Variants in CDHR1 observed in about 807,000 individuals in gnomAD.
CDHR1 encodes the protein cadherin-related family member 1.
CDHR1 carries 61 observed loss-of-function variants against 72.1 expected under a neutral mutation model. The ratio of observed to expected loss-of-function variants is 0.85; its 90% confidence interval spans 0.69 to 1.05. The LOEUF (loss-of-function observed/expected upper bound fraction) is 1.05. Ranked by LOEUF, CDHR1 falls within the 50% of genes least tolerant of loss-of-function variation. The pLI, the probability that CDHR1 is intolerant of heterozygous loss-of-function variation, is 0.00. For missense variants in CDHR1, 1,186 were observed against 1,115.7 expected, an observed-to-expected ratio of 1.06 and a Z score of -0.90; for synonymous variants, 470 against 448.1, an observed-to-expected ratio of 1.05 and a Z score of -0.62.
downstream of CDHR1, chr10:84,219,458 A>C: frequency 9.8e-7 from 1 of 1,015,254 alleles, no homozygotes; most frequent in South Asian, 2.6e-5. Flanking sequence ...GTGCACCACC[A>C]AGCTTCTTTT....
rs1239150019 is a variant in CDHR1 at position 84,195,552 on chromosome 10, C to T, written c.114C>T (p.Asn38=). 6.2e-7 allele frequency: 1 copy of T among 1,614,074 alleles called. No homozygotes were observed. The highest frequency in any genetic ancestry group is 8.5e-7 in the Non-Finnish European group (1 of 1,180,014). ...ACGGGGTCGGCAGCACCAACGGAAA[C>T]ATGGCTCTGTTCAGCCTCCCAGAGG... The part of the protein sequence containing the change: ...FDNGVGSTNG[N]MALFSLPEDT... Residue 38 remains asparagine (N), a synonymous_variant, in exon 2 of 17, where the codon AAC becomes AAT. Coordinates refer to ENST00000623527, the MANE Select transcript of CDHR1 (RefSeq NM_033100.4).
intron 10 of CDHR1, among the ~76,000 whole-genome samples, chr10:84,206,331 T>C (rs987975892): frequency 3.3e-5 from 1 of 30,446 alleles, no homozygotes; most frequent in Non-Finnish European, 6.0e-5. Flanking sequence ...GGAGGAAACG[T>C]TGGACTCCCA....
intron 12 of CDHR1, among the ~76,000 whole-genome samples, chr10:84,210,120 T>C (rs1842301718): frequency 6.6e-6 from 1 of 152,156 alleles, no homozygotes; most frequent in Non-Finnish European, 1.5e-5. Context: ...CTTGGAAGGC[T>C]GAGATGGGAG....
In CDHR1 at chr10:84,214,204, C is replaced by G; in HGVS notation, c.2163C>G (p.Thr721=). 1.2e-6 allele frequency: 2 copies of G among 1,614,176 alleles called. No homozygotes were observed. The highest frequency in any genetic ancestry group is 1.7e-6 in the Non-Finnish European group (2 of 1,180,042). The change falls in exon 17 of 17, where the codon ACC becomes ACG. Residue 721 remains threonine, a synonymous_variant. Transcript: ENST00000623527. The part of the protein sequence containing the change: ...TVVAITVLIS[T]ATFWRNKKSN... ...TGGCCATCACTGTCCTCATCTCCAC[C>G]GCCACCTTCTGGCGCAACAAGAAGT... is the stretch of plus-strand genomic sequence containing the variant.
At chr10:84,201,519 G>T (rs1348242527) in intron 6 of CDHR1, among the ~76,000 whole-genome samples, 1 of 152,230 alleles carries the variant, frequency 6.6e-6, no homozygotes, top group Non-Finnish European at 1.5e-5. Context: ...CCAGGCCAGA[G>T]CTAAGCCCAA....
In CDHR1 at chr10:84,218,285, C is replaced by CCATCATTTGAT. The variant is rs1339436400; in HGVS notation, c.*3667_*3677dup. 3.0e-6 allele frequency: 3 copies of CCATCATTTGAT among 985,286 alleles called. No individual in the cohort carries two copies. The African/African-American group carries it at 5.2e-5, about 17-fold the overall frequency. The allele number at this position is 985,286 out of a possible 1,614,324, so 61.0% of individuals were successfully genotyped here. On this transcript the variant is annotated 3_prime_UTR_variant, in exon 17 of 17. Coordinates refer to ENST00000623527, the MANE Select transcript of CDHR1 (RefSeq NM_033100.4). The stretch of plus-strand genomic sequence containing the variant: ...AATGAGGCGGTCATGGCTTAAGCGA[C>CCATCATTTGAT]CATCATTTGATCAATAAAGCAGAGT...
chr10:84,217,972 G>A lies in CDHR1; in HGVS notation c.*3351G>A. 1.0e-6 allele frequency: 1 copy of A among 985,470 alleles called. No individual in the cohort carries two copies. Among genetic ancestry groups the A allele is most frequent in the Non-Finnish European group, 1.2e-6 (1 of 829,944 alleles). 61.0% of individuals were successfully genotyped at this position (985,470 alleles called of 1,614,324 possible). A position where few individuals can be genotyped will look rare whatever the true frequency, so the allele number is the denominator to read the frequency against. ...AAAGTGTGATCAGAGCTGGGAAGGA[G>A]CCACCATGCTCTGCTTCTCTAAGGA... On this transcript the variant is annotated 3_prime_UTR_variant, in exon 17 of 17. Coordinates refer to ENST00000623527, the MANE Select transcript of CDHR1 (RefSeq NM_033100.4).
At chr10:84,205,168 T>C (rs780562245) in intron 9 of CDHR1, among the ~76,000 whole-genome samples, 5 of 152,142 alleles carry the variant, frequency 3.3e-5, no homozygotes, top group Non-Finnish European at 7.4e-5. Context: ...AGATGAGCTG[T>C]CCCTGGGCCA....
rs1239821703 is a variant in CDHR1 at position 84,208,969 on chromosome 10, G to GTCAC, written c.1320+91_1320+94dup. 8.1e-6 allele frequency: 11 copies of GTCAC among 1,362,252 alleles called. No individual in the cohort carries two copies. The East Asian group carries it at 2.7e-4, about 33-fold the overall frequency. 84.4% of individuals were successfully genotyped at this position (1,362,252 alleles called of 1,614,324 possible). A position where few individuals can be genotyped will look rare whatever the true frequency, so the allele number is the denominator to read the frequency against. ...TTGGTTCATTCCTGAGGGGTCTCTT[G>GTCAC]TCACTCTCTGCCCTTCCTGGCCCTA... On this transcript the variant is annotated intron_variant, in intron 12 of 16. Transcript: ENST00000623527.
intron 7 of CDHR1, among the ~76,000 whole-genome samples, chr10:84,202,382 A>G (rs962692794): frequency 6.6e-6 from 1 of 152,216 alleles, no homozygotes; most frequent in African/African-American, 2.4e-5. Context: ...ATTGGAAACC[A>G]GCAGGTGCCC....
intron 2 of CDHR1, among the ~76,000 whole-genome samples, chr10:84,195,943 G>C (rs1842022591): frequency 6.6e-6 from 1 of 152,234 alleles, no homozygotes; most frequent in South Asian, 2.1e-4. Context: ...GCTGAGATAT[G>C]CAGAGAGAGG....
rs1842437503 is a variant in CDHR1 at position 84,217,079 on chromosome 10, G to C, written c.*2458G>C. 1.0e-6 allele frequency: 1 copy of C among 985,784 alleles called. No homozygotes were observed. The highest frequency in any genetic ancestry group is 1.2e-6 in the Non-Finnish European group (1 of 830,198). The allele number at this position is 985,784 out of a possible 1,614,324, so 61.1% of individuals were successfully genotyped here. Reference sequence around the variant, plus strand: ...CGGTAGCCAGCATGAGCCACACTAGGAAAGAGGAGGAGGGTGCAGCCAAAC... The same window carrying C: ...CGGTAGCCAGCATGAGCCACACTAGCAAAGAGGAGGAGGGTGCAGCCAAAC... On this transcript the variant is annotated 3_prime_UTR_variant, in exon 17 of 17. Transcript: ENST00000623527.
Position 84,196,529 on chromosome 10 carries a change from G to C in CDHR1, c.176G>C (p.Gly59Ala), listed in dbSNP as rs761331390. 6.2e-7 allele frequency: 1 copy of C among 1,614,174 alleles called. No individual in the cohort carries two copies. Among genetic ancestry groups the C allele is most frequent in the Non-Finnish European group, 8.5e-7 (1 of 1,180,030 alleles). ...GGCTCTCACGTATACACCCTGAATG[G>C]GACAGACCCTGAGGGAGACCCCATC... Reference protein sequence around the residue: ...PVGSHVYTLNGTDPEGDPISY... With the variant: ...PVGSHVYTLNATDPEGDPISY... Residue 59 changes from glycine (G) to alanine (A), a missense_variant, in exon 3 of 17, where the codon GGG becomes GCG. Coordinates refer to ENST00000623527, the MANE Select transcript of CDHR1 (RefSeq NM_033100.4).
At position 84,215,236 on chromosome 10, in the gene CDHR1, G is replaced by T; in HGVS notation, c.*615G>T. The T allele has an allele frequency of 2.0e-6, 2 of 992,746 alleles. No individual in the cohort carries two copies. Among genetic ancestry groups the T allele is most frequent in the Non-Finnish European group, 2.4e-6 (2 of 834,254 alleles). 61.5% of individuals were successfully genotyped at this position (992,746 alleles called of 1,614,324 possible). A position where few individuals can be genotyped will look rare whatever the true frequency, so the allele number is the denominator to read the frequency against. ...TTGGAAAGATAGAGCATTCTGTCTG[G>T]GCAGAGACTGTGGACCCTGGTATGC... On this transcript the variant is annotated 3_prime_UTR_variant, in exon 17 of 17. Transcript: ENST00000623527.
downstream of CDHR1, chr10:84,219,323 C>G (rs1192716739): frequency 2.6e-6 from 4 of 1,542,988 alleles, no homozygotes; most frequent in Non-Finnish European, 3.5e-6. Flanking sequence ...TTTCCCTCTC[C>G]CTAAATTTCT....
chr10:84,199,071 G>C lies in CDHR1; in HGVS notation c.388G>C (p.Asp130His), dbSNP rs1040539172. 1 of 1,551,668 alleles carries C rather than the reference G, an allele frequency of 6.4e-7. No individual in the cohort carries two copies. The highest frequency in any genetic ancestry group is 8.7e-7 in the Non-Finnish European group (1 of 1,147,030). The change falls in exon 5 of 17, where the codon GAT becomes CAT. Residue 130 changes from aspartate to histidine, a missense_variant. Physicochemically the swap from Asp to His is moderately conservative, Grantham distance 81. Transcript: ENST00000623527. The stretch of plus-strand genomic sequence containing the variant: ...CGTGATCCTGGTGACCGATGCCAAT[G>C]ATGAGGCGCCCAGGTTCATCCAGGA... ...KVVILVTDAN[D>H]EAPRFIQEPY...
rs33921515 is a variant in CDHR1, at chr10:84,205,514, T to TCACACACACACACACA, written c.863-297_863-282dup. Among the ~76,000 whole-genome samples the TCACACACACACACACA allele has an allele frequency of 2.1e-3, 307 of 145,102 alleles. 1 individual carries two copies. Among genetic ancestry groups the TCACACACACACACACA allele is most frequent in the South Asian group, 4.1e-3 (18 of 4,378 alleles). The stretch of plus-strand genomic sequence containing the variant: ...TCCTCCTGCTTCCTTTCTCTTTTCT[T>TCACACACACACACACA]CACACACACACACACACACACACAC... On this transcript the variant is annotated intron_variant, in intron 9 of 16. Coordinates refer to ENST00000623527, the MANE Select transcript of CDHR1 (RefSeq NM_033100.4).
Position 84,214,506 on chromosome 10 carries a change from C to T in CDHR1, c.2465C>T (p.Pro822Leu), listed in dbSNP as rs760602303. The stretch of plus-strand genomic sequence containing the variant: ...GTCTCTGGCTCTCTCACTCCGCAGC[C>T]GACCCAACCCCCGCCAAAACCCAAA... Reference protein sequence around the residue: ...PTVSGSLTPQPTQPPPKPKTM... With the variant: ...PTVSGSLTPQLTQPPPKPKTM... Residue 822 changes from proline (P) to leucine (L), a missense_variant, in exon 17 of 17, where the codon CCG (proline) becomes CTG (leucine). Coordinates refer to ENST00000623527, the MANE Select transcript of CDHR1 (RefSeq NM_033100.4). 1.2e-6 allele frequency: 2 copies of T among 1,605,336 alleles called. No homozygotes were observed. The highest frequency in any genetic ancestry group is 1.7e-6 in the Non-Finnish European group (2 of 1,179,594).
Position 84,210,849 on chromosome 10 carries a change from T to A in CDHR1, c.1321-152T>A, listed in dbSNP as rs147058070. The stretch of plus-strand genomic sequence containing the variant: ...AGGGGAAGATGCCAGGCCTTAGAGG[T>A]GACCCTTACAGGAATAGCTGGTTGG... On this transcript the variant is annotated intron_variant, in intron 12 of 16. Transcript: ENST00000623527. 706 of 826,862 alleles carry A rather than the reference T, an allele frequency of 8.5e-4. 4 individuals are homozygous for A. In the East Asian group the frequency reaches 0.015, roughly 18 times the overall value. 51.2% of individuals were successfully genotyped at this position (826,862 alleles called of 1,614,324 possible).
Sources: gnomAD v4.1 joint callset for allele counts (sites outside exome capture counted in the v4.1 genomes callset) on GRCh38, gnomAD v4.1.1 for gene constraint, MANE v1.5 for transcripts, NCBI Gene and HGNC (gene_info 2026-07-23, HGNC 2026-07-21) for gene names.